Variants in NCEH1 observed in about 807,000 individuals in gnomAD.
NCEH1 encodes neutral cholesterol ester hydrolase 1, also known as 2-acetyl MAGE hydrolase.
In NCEH1, 9 loss-of-function variants were observed where a neutral mutation model predicts 25.4. That is an observed-to-expected ratio of 0.35 (90% CI 0.21 to 0.62). The LOEUF is 0.62. Ranked by LOEUF, NCEH1 falls within the 20% of genes least tolerant of loss-of-function variation. The pLI is 0.72. For missense variants in NCEH1, 412 were observed against 501.1 expected, an observed-to-expected ratio of 0.82 and a Z score of 1.70; for synonymous variants, 200 against 199.8, an observed-to-expected ratio of 1.00 and a Z score of -0.01.
Position 172,633,364 on chromosome 3 carries a change from C to T in NCEH1, c.*111G>A, listed in dbSNP as rs1469411484. ...GTTATGGAATAGAAATTCCATAACT[C>T]GCAAGTAGAGGGGAATGGGAGGAAG... On this transcript the variant is annotated 3_prime_UTR_variant, in exon 5 of 5. Coordinates refer to ENST00000475381, the MANE Select transcript of NCEH1 (RefSeq NM_020792.6). 6 of 1,029,790 alleles carry T rather than the reference C, an allele frequency of 5.8e-6. No homozygotes were observed. The highest frequency in any genetic ancestry group is 1.6e-5 in the African/African-American group (1 of 62,082). The allele number at this position is 1,029,790 out of a possible 1,614,324, so 63.8% of individuals were successfully genotyped here.
intron 2 of NCEH1, among the ~76,000 whole-genome samples, chr3:172,647,532 C>T (rs1717175891): frequency 6.6e-6 from 1 of 152,204 alleles, no homozygotes; most frequent in Non-Finnish European, 1.5e-5. Flanking sequence ...CCTGGTGAAA[C>T]TTCACCTTGT....
intron 1 of NCEH1, among the ~76,000 whole-genome samples, chr3:172,673,147 C>A (rs948952636): frequency 2.0e-5 from 3 of 152,194 alleles, no homozygotes; most frequent in African/African-American, 7.2e-5. Context: ...CTATAAGGGG[C>A]ATTTCAAGAA....
chr3:172,690,497 A>T (rs143492633), intron 1 of NCEH1, among the ~76,000 whole-genome samples: 1 of 152,244 alleles, frequency 6.6e-6, no homozygotes, highest in South Asian at 2.1e-4. Context: ...TATAAATTGG[A>T]AAATAACTTG....
intron 1 of NCEH1, among the ~76,000 whole-genome samples, chr3:172,654,932 G>T (rs955387307): frequency 6.6e-6 from 1 of 152,148 alleles, no homozygotes; most frequent in Non-Finnish European, 1.5e-5. Context: ...GAAAATATGA[G>T]AATTTAATTA....
intron 1 of NCEH1, among the ~76,000 whole-genome samples, chr3:172,665,357 G>A (rs549492983): frequency 6.6e-6 from 1 of 152,248 alleles, no homozygotes; most frequent in East Asian, 1.9e-4. Context: ...TGGAAGCTTT[G>A]TCTCAGAGGG....
At chr3:172,635,636 T>C (rs1716564693) in intron 4 of NCEH1, among the ~76,000 whole-genome samples, 1 of 152,192 alleles carries the variant, frequency 6.6e-6, no homozygotes, top group Non-Finnish European at 1.5e-5. Flanking sequence ...TGGAGTTCCA[T>C]ACATAGCCCT....
chr3:172,648,646 T>C (rs934198210), intron 1 of NCEH1, among the ~76,000 whole-genome samples: 4 of 152,172 alleles, frequency 2.6e-5, no homozygotes, highest in African/African-American at 9.6e-5. Flanking sequence ...TATCTTTAAA[T>C]GTGTCTTGTC....
At chr3:172,659,960 A>G (rs1717891568) in intron 1 of NCEH1, among the ~76,000 whole-genome samples, 1 of 151,950 alleles carries the variant, frequency 6.6e-6, no homozygotes, top group Non-Finnish European at 1.5e-5. Context: ...TTTTTCTTTT[A>G]ATAAAAGCAA....
At chr3:172,700,937 G>A (rs1713643689) in intron 1 of NCEH1, among the ~76,000 whole-genome samples, 1 of 151,606 alleles carries the variant, frequency 6.6e-6, no homozygotes, top group Non-Finnish European at 1.5e-5. Flanking sequence ...TAAATATGAG[G>A]TATACTAAAA....
intron 1 of NCEH1, among the ~76,000 whole-genome samples, chr3:172,675,302 C>CAAATAAATAAATAAATAAAT (rs56201640): frequency 1.8e-4 from 26 of 142,490 alleles, no homozygotes; most frequent in African/African-American, 7.1e-4. Context: ...GATCCTGTCT[C>CAAATAAATAAATAAATAAAT]AAATAAATAA....
intron 4 of NCEH1, among the ~76,000 whole-genome samples, chr3:172,634,408 TATTTA>T (rs1453350191): frequency 6.6e-6 from 1 of 152,192 alleles, no homozygotes; most frequent in Non-Finnish European, 1.5e-5. Context: ...GTGTGAACCT[TATTTA>T]ATTTTTTATT....
chr3:172,695,180 C>CA (rs2108532183), intron 1 of NCEH1, among the ~76,000 whole-genome samples: 1 of 152,276 alleles, frequency 6.6e-6, no homozygotes, highest in Non-Finnish European at 1.5e-5. Context: ...ATCATTTGAG[C>CA]AAATCTAAAG....
At chr3:172,643,948 T>G (rs527732694) in intron 3 of NCEH1, among the ~76,000 whole-genome samples, 137 of 152,314 alleles carry the variant, frequency 9.0e-4, no homozygotes, top group Non-Finnish European at 1.6e-3. Context: ...ATCATTTCCT[T>G]GAAGGTTCCT....
At chr3:172,665,812 G>A (rs561003280) in intron 1 of NCEH1, among the ~76,000 whole-genome samples, 56 of 152,332 alleles carry the variant, frequency 3.7e-4, no homozygotes, top group Non-Finnish European at 5.7e-4. Context: ...ATAATCTCCT[G>A]GTCTGCCATT....
At position 172,654,643 on chromosome 3, in the gene NCEH1, C is replaced by A. The variant is rs146714758; in HGVS notation, c.139-6529G>T. ...GGGAAGGAGGCAGCTGGGGAAGAAC[C>A]AGCAGCACACTGATAACCCATACAC... On this transcript the variant is annotated intron_variant, in intron 1 of 4. Coordinates refer to ENST00000475381, the MANE Select transcript of NCEH1 (RefSeq NM_020792.6). Among the ~76,000 whole-genome samples the A allele has an allele frequency of 4.4e-4, 67 of 152,290 alleles. 1 individual carries two copies. In the East Asian group the frequency reaches 0.013, roughly 29 times the overall value.
intron 3 of NCEH1, among the ~76,000 whole-genome samples, chr3:172,636,393 G>A (rs566594573): frequency 3.5e-4 from 27 of 76,608 alleles, no homozygotes; most frequent in African/African-American, 7.6e-4. Context: ...AGTAAAAGGC[G>A]AATGTTCATT....
chr3:172,676,784 C>G (rs1230092480), intron 1 of NCEH1, among the ~76,000 whole-genome samples: 1 of 152,192 alleles, frequency 6.6e-6, no homozygotes. Context: ...TCATTTACAC[C>G]TCTCTTGGTC....
intron 1 of NCEH1, among the ~76,000 whole-genome samples, chr3:172,648,673 G>A (rs1349439872): frequency 6.6e-6 from 1 of 152,026 alleles, no homozygotes; most frequent in African/African-American, 2.4e-5. Flanking sequence ...AAAGGAGCGT[G>A]TGAGAAAAAA....
At chr3:172,691,978 A>G in intron 1 of NCEH1, among the ~76,000 whole-genome samples, 1 of 52,302 alleles carries the variant, frequency 1.9e-5, no homozygotes, top group Non-Finnish European at 3.7e-5. Flanking sequence ...AGAAAGAAAG[A>G]AAGAAAGAAA....
Sources: gnomAD v4.1 joint callset for allele counts (sites outside exome capture counted in the v4.1 genomes callset) on GRCh38, gnomAD v4.1.1 for gene constraint, MANE v1.5 for transcripts, NCBI Gene and HGNC (gene_info 2026-07-23, HGNC 2026-07-21) for gene names.